The following COL11A1 variants were observed in gnomAD, a reference collection of about 807,000 sequenced individuals.
The protein encoded by COL11A1 is collagen type XI alpha 1 chain.
COL11A1 carries 74 observed loss-of-function variants against 265.2 expected under a neutral mutation model. The observed-to-expected ratio is 0.28, with a 90% CI of 0.23 to 0.34. COL11A1 has a LOEUF of 0.34. Among genes scored for constraint, COL11A1 ranks in the 10% least tolerant of loss-of-function variants. The probability of loss-of-function intolerance (pLI) is 1.00; values close to 1 mark genes in which losing one functional copy is unlikely to be tolerated. For missense variants in COL11A1, 2,165 were observed against 2,263.6 expected (o/e 0.96, Z 0.88); for synonymous variants, 816 against 727.6 (o/e 1.12, Z -1.96).
At position 102,914,828 on chromosome 1, in the gene COL11A1, A is replaced by AG; in HGVS notation, c.3817-18_3817-17insC. 6.4e-7 allele frequency: 1 copy of AG among 1,563,634 alleles called. No homozygotes were observed. The highest frequency in any genetic ancestry group is 2.2e-5 in the East Asian group (1 of 44,576). ...TTTGGGACCCTAAACAATGTTAAAAAAAAAAAAAGAAGAAGAAGGAAAGAA... is the reference window on the plus strand; with the variant it reads ...TTTGGGACCCTAAACAATGTTAAAAAGAAAAAAAAGAAGAAGAAGGAAAGAA... On this transcript the variant is annotated splice_polypyrimidine_tract_variant and intron_variant, in intron 50 of 66. Coordinates refer to ENST00000370096, the MANE Select transcript of COL11A1 (RefSeq NM_001854.4).
chr1:102,935,092 G>T lies in COL11A1; in HGVS notation c.3460C>A (p.Leu1154Ile). The change falls in exon 45 of 67, where the codon CTT (leucine) becomes ATT (isoleucine). Residue 1154 changes from leucine (L) to isoleucine (I), a missense_variant. Transcript: ENST00000370096. ...CCAGGGGCACCAACTGGTCCTTGAAGACCTGGGGGACCGGGAGGGCCCTGC... is the reference window on the plus strand; with the variant it reads ...CCAGGGGCACCAACTGGTCCTTGAATACCTGGGGGACCGGGAGGGCCCTGC... ...GENGPPGPPG[L>I]QGPVGAPGIA... 6.2e-7 allele frequency: 1 copy of T among 1,614,054 alleles called. No individual in the cohort carries two copies. The highest frequency in any genetic ancestry group is 8.5e-7 in the Non-Finnish European group (1 of 1,179,972).
At chr1:103,005,971 A>C (rs1191427841) in intron 17 of COL11A1, 80 bp from the exon 18 acceptor site, 1 of 1,612,184 alleles carries the variant, frequency 6.2e-7, no homozygotes, top group Non-Finnish European at 8.5e-7. Flanking sequence ...TTAAATGCGA[A>C]ATATTCTCTC....
At chr1:102,945,382 C>T (rs1469665845) in intron 42 of COL11A1, among the ~76,000 whole-genome samples, 1 of 151,730 alleles carries the variant, frequency 6.6e-6, no homozygotes, top group Non-Finnish European at 1.5e-5. Context: ...CCACCAGCAC[C>T]ATGAGCCAAT....
chr1:102,877,931 C>T lies in COL11A1; in HGVS notation c.*88G>A. On this transcript the variant is annotated 3_prime_UTR_variant, in exon 67 of 67. Coordinates refer to ENST00000370096, the MANE Select transcript of COL11A1 (RefSeq NM_001854.4). ...TATGCAGCGTTGTTTTCTATACCAT[C>T]CTTATTCAAAACTTGCATGTGGCAC... 3 of 1,375,140 alleles carry T rather than the reference C, an allele frequency of 2.2e-6. No individual in the cohort carries two copies. Among genetic ancestry groups the T allele is most frequent in the Non-Finnish European group, 3.1e-6 (3 of 964,630 alleles). The allele number at this position is 1,375,140 out of a possible 1,614,324, so 85.2% of individuals were successfully genotyped here.
intron 54 of COL11A1, among the ~76,000 whole-genome samples, chr1:102,909,413 T>C (rs1654381616): frequency 6.6e-6 from 1 of 152,168 alleles, no homozygotes; most frequent in Middle Eastern, 3.2e-3. Flanking sequence ...CTTTATAAAT[T>C]ACCCAGCCTC....
rs533815342 is a variant in COL11A1 at position 103,063,571 on chromosome 1, G to A, written c.651+11047C>T. 1.4e-4 allele frequency among the ~76,000 whole-genome samples: 21 copies of A among 152,086 alleles called. 1 individual carries two copies. The highest frequency in any genetic ancestry group is 4.8e-4 in the African/African-American group (20 of 41,502). ...TTGTTCAGAAAAATTAAGTCATAAT[G>A]GTTCATAAATGTAAAACACAAAACC... On this transcript the variant is annotated intron_variant, in intron 4 of 66. Coordinates refer to ENST00000370096, the MANE Select transcript of COL11A1 (RefSeq NM_001854.4).
Position 103,074,872 on chromosome 1 carries a change from T to C in COL11A1, c.489-92A>G, listed in dbSNP as rs72987842. Reference sequence around the variant, plus strand: ...TAAAAATGCTGTGTATTTTAAATTATAAAAATGAGCTAAAATCATACAAAA... The same window carrying C: ...TAAAAATGCTGTGTATTTTAAATTACAAAAATGAGCTAAAATCATACAAAA... On this transcript the variant is annotated intron_variant, in intron 3 of 66. Coordinates refer to ENST00000370096, the MANE Select transcript of COL11A1 (RefSeq NM_001854.4). 6.7e-3 allele frequency: 9,460 copies of C among 1,420,984 alleles called. 524 individuals are homozygous for C. The African/African-American group carries it at 0.12, about 17-fold the overall frequency. 88.0% of individuals were successfully genotyped at this position (1,420,984 alleles called of 1,614,324 possible).
At chr1:103,086,559 G>A (rs879926472) in intron 1 of COL11A1, among the ~76,000 whole-genome samples, 47 of 152,140 alleles carry the variant, frequency 3.1e-4, no homozygotes, top group Non-Finnish European at 6.0e-4. Context: ...TGGGACTCCA[G>A]GCGCCCGCCA....
At chr1:103,059,388 A>G (rs1167310822) in intron 4 of COL11A1, among the ~76,000 whole-genome samples, 1 of 152,026 alleles carries the variant, frequency 6.6e-6, no homozygotes. Flanking sequence ...GTTTCACCTT[A>G]CCAACACATA....
At chr1:102,961,132 A>T (rs182152117) in intron 41 of COL11A1, among the ~76,000 whole-genome samples, 114 of 152,084 alleles carry the variant, frequency 7.5e-4, no homozygotes, top group Non-Finnish European at 1.4e-3. Context: ...GAAAATGAGA[A>T]GAAGACACTA....
intron 14 of COL11A1, among the ~76,000 whole-genome samples, chr1:103,010,651 G>T (rs914515014): frequency 1.3e-5 from 2 of 151,840 alleles, no homozygotes; most frequent in African/African-American, 4.8e-5. Flanking sequence ...GATAATAAAT[G>T]AAATTTATTT....
Position 102,996,039 on chromosome 1 carries a change from G to C in COL11A1, c.2245C>G (p.Pro749Ala). 1 of 1,613,202 alleles carries C rather than the reference G, an allele frequency of 6.2e-7. No individual in the cohort carries two copies. The highest frequency in any genetic ancestry group is 8.5e-7 in the Non-Finnish European group (1 of 1,179,440). The change falls in exon 27 of 67, where the codon CCC (proline) becomes GCC (alanine). Residue 749 changes from proline (P) to alanine (A), a missense_variant. Coordinates refer to ENST00000370096, the MANE Select transcript of COL11A1 (RefSeq NM_001854.4). ...CCAATAGGACCTTGTGGACCAGGGGGACCCTGAAATAGATGAATTACCACT... is the reference window on the plus strand; with the variant it reads ...CCAATAGGACCTTGTGGACCAGGGGCACCCTGAAATAGATGAATTACCACT... ...GQSGEKGALG[P>A]PGPQGPIGYP... is the part of the protein sequence containing the mutation.
chr1:103,074,344 G>A (rs758347105), intron 4 of COL11A1, among the ~76,000 whole-genome samples: 14 of 152,020 alleles, frequency 9.2e-5, no homozygotes, highest in Non-Finnish European at 1.0e-4. Flanking sequence ...TAAGAGTTAA[G>A]CCGTTTGTCC....
At chr1:103,081,634 T>A (rs1249046673) in intron 2 of COL11A1, among the ~76,000 whole-genome samples, 1 of 151,924 alleles carries the variant, frequency 6.6e-6, no homozygotes, top group African/African-American at 2.4e-5. Flanking sequence ...AATGTCCTTC[T>A]ATGAAAAGTG....
At chr1:103,044,668 T>A (rs913346236) in intron 4 of COL11A1, among the ~76,000 whole-genome samples, 7 of 152,152 alleles carry the variant, frequency 4.6e-5, no homozygotes, top group African/African-American at 1.7e-4. Context: ...CTTCCTTGTC[T>A]GCTATAGATG....
At chr1:102,892,148 A>G (rs1044763823) in intron 57 of COL11A1, among the ~76,000 whole-genome samples, 2 of 152,166 alleles carry the variant, frequency 1.3e-5, no homozygotes, top group Admixed American at 6.6e-5. Context: ...CAACAAAAGC[A>G]AACTGTTCAT....
intron 4 of COL11A1, among the ~76,000 whole-genome samples, chr1:103,062,955 A>T (rs891132654): frequency 1.1e-4 from 16 of 152,036 alleles, no homozygotes; most frequent in African/African-American, 3.9e-4. Flanking sequence ...GAAATTTATC[A>T]CTCAACACTA....
At chr1:103,083,097 C>T (rs1672545295) in intron 1 of COL11A1, 125 bp from the exon 2 acceptor site, 6 of 922,672 alleles carry the variant, frequency 6.5e-6, no homozygotes, top group Non-Finnish European at 9.7e-6. Flanking sequence ...GCCATGCTTC[C>T]CTAACATTTA....
chr1:103,095,115 A>G (rs1277062928), intron 1 of COL11A1, among the ~76,000 whole-genome samples: 5 of 152,104 alleles, frequency 3.3e-5, no homozygotes, highest in Non-Finnish European at 1.5e-5. Flanking sequence ...TACTGTGTAG[A>G]ATTTGGCTCT....
Sources: allele counts gnomAD v4.1 joint callset (sites outside exome capture counted in the v4.1 genomes callset), GRCh38; gene constraint gnomAD v4.1.1; transcripts MANE v1.5; gene names NCBI Gene and HGNC (gene_info 2026-07-23, HGNC 2026-07-21).